Variants in WBP4 observed in about 807,000 individuals in gnomAD.
WBP4 encodes the protein WW domain binding protein 4.
A neutral mutation model predicts 55.4 loss-of-function variants in WBP4; 37 were observed. That is an observed-to-expected ratio of 0.67 (90% CI 0.51 to 0.88). The LOEUF is 0.88. WBP4 is among the 40% of genes least tolerant of loss of function. The pLI is 0.00. For missense variants in WBP4, 398 were observed against 420.8 expected (o/e 0.95, Z 0.47); for synonymous variants, 142 against 140.2 (o/e 1.01, Z -0.09).
intron 9 of WBP4, among the ~76,000 whole-genome samples, chr13:41,081,336 CA>C (rs1235993323): frequency 4.3e-4 from 60 of 140,792 alleles, no homozygotes; most frequent in African/African-American, 5.5e-4. Context: ...TTCTCTCTAC[CA>C]AAAAAAAAAA....
chr13:41,082,424 T>C (rs951780959), intron 9 of WBP4, among the ~76,000 whole-genome samples: 4 of 152,092 alleles, frequency 2.6e-5, no homozygotes, highest in African/African-American at 9.7e-5. Context: ...CCCTTATCCC[T>C]TTACTTGTAC....
chr13:41,065,358 CT>C, intron 4 of WBP4, 71 bp downstream of exon 4: 1 of 1,481,190 alleles, frequency 6.8e-7, no homozygotes, highest in Non-Finnish European at 8.9e-7. Flanking sequence ...GCTAAGTAAG[CT>C]TTGATTGCTT....
chr13:41,070,728 C>G (rs1878204908), intron 5 of WBP4, among the ~76,000 whole-genome samples: 1 of 151,582 alleles, frequency 6.6e-6, no homozygotes, highest in African/African-American at 2.4e-5. Flanking sequence ...GAGAATAGAG[C>G]AAGAAGTAAA....
intron 7 of WBP4, 93 bp downstream of exon 7, chr13:41,072,950 A>G: frequency 2.1e-6 from 2 of 953,264 alleles, no homozygotes; most frequent in Non-Finnish European, 3.2e-6. Context: ...TGGAAATTTT[A>G]GTATACAATA....
intron 4 of WBP4, among the ~76,000 whole-genome samples, chr13:41,068,016 T>C (rs773165532): frequency 4.2e-4 from 64 of 152,252 alleles, no homozygotes; most frequent in East Asian, 1.9e-4. Context: ...CTAAAAACTT[T>C]CTTTTTAAGC....
chr13:41,062,409 C>T (rs545162274), intron 1 of WBP4, among the ~76,000 whole-genome samples: 1 of 152,068 alleles, frequency 6.6e-6, no homozygotes, highest in East Asian at 1.9e-4. Context: ...TTTTTGAAAG[C>T]CATTTTATTG....
intron 2 of WBP4, among the ~76,000 whole-genome samples, chr13:41,063,050 AAAAT>A (rs1467655849): frequency 6.6e-6 from 1 of 152,238 alleles, no homozygotes; most frequent in African/African-American, 2.4e-5. Context: ...AAGCCCTTAA[AAAAT>A]AAAAGCAACA....
In WBP4 at chr13:41,071,710, T is replaced by C. The variant is rs568583769; in HGVS notation, c.486+137T>C. On this transcript the variant is annotated intron_variant, in intron 6 of 9. Transcript: ENST00000379487. Reference sequence around the variant, plus strand: ...CACCCCCAAACTGTGTCCTTTTTTTTCCCATAATGCTTTTGTTAGAAGGCT... The same window carrying C: ...CACCCCCAAACTGTGTCCTTTTTTTCCCCATAATGCTTTTGTTAGAAGGCT... 84 of 762,550 alleles carry C rather than the reference T, an allele frequency of 1.1e-4. No homozygotes were observed. The East Asian group carries it at 2.1e-3, about 19-fold the overall frequency. The allele number at this position is 762,550 out of a possible 1,614,324, so 47.2% of individuals were successfully genotyped here. A position where few individuals can be genotyped will look rare whatever the true frequency, so the allele number is the denominator to read the frequency against.
Position 41,080,572 on chromosome 13 carries a change from T to TA in WBP4, c.757-70dup, listed in dbSNP as rs1165257796. ...GTTTATAAATCTATAACAATACCTTTAAAAGCCTTAAATTTTATTTTTGTC... is the reference window on the plus strand; with the variant it reads ...GTTTATAAATCTATAACAATACCTTTAAAAAGCCTTAAATTTTATTTTTGTC... On this transcript the variant is annotated intron_variant, in intron 8 of 9. Transcript: ENST00000379487. The TA allele has an allele frequency of 4.3e-6, 5 of 1,171,152 alleles. No individual in the cohort carries two copies. The Admixed American group carries it at 8.5e-5, about 20-fold the overall frequency. 72.5% of individuals were successfully genotyped at this position (1,171,152 alleles called of 1,614,324 possible). A position where few individuals can be genotyped will look rare whatever the true frequency, so the allele number is the denominator to read the frequency against.
intron 4 of WBP4, among the ~76,000 whole-genome samples, chr13:41,066,755 G>A (rs1430540765): frequency 2.6e-5 from 4 of 151,018 alleles, no homozygotes; most frequent in Non-Finnish European, 4.4e-5. Flanking sequence ...TTTCACTGTC[G>A]TAAAGAGTGC....
chr13:41,062,753 T>C, intron 2 of WBP4, 37 bp downstream of exon 2: 1 of 1,571,030 alleles, frequency 6.4e-7, no homozygotes, highest in East Asian at 2.3e-5. Flanking sequence ...CTAATAATAA[T>C]TGTGTTGAAT....
intron 7 of WBP4, among the ~76,000 whole-genome samples, chr13:41,074,863 C>T (rs539646968): frequency 7.8e-4 from 118 of 152,160 alleles, no homozygotes; most frequent in Non-Finnish European, 1.5e-3. Context: ...GGCGTGGTGG[C>T]GCTTGCCTGT....
In WBP4 at chr13:41,078,382, A is replaced by G. The variant is rs568296830; in HGVS notation, c.756+2145A>G. 1.7e-3 allele frequency among the ~76,000 whole-genome samples: 266 copies of G among 152,332 alleles called. 2 individuals are homozygous for G. The highest frequency in any genetic ancestry group is 2.6e-3 in the Non-Finnish European group (175 of 68,032). On this transcript the variant is annotated intron_variant, in intron 8 of 9. Transcript: ENST00000379487. ...TCTTCAACAAAATCAACAAAAATAT[A>G]CACTGGGGAAGGGATACCCCATTCA...
In WBP4 at chr13:41,065,252, A is replaced by G; in HGVS notation, c.227A>G (p.Tyr76Cys). 1.2e-6 allele frequency: 2 copies of G among 1,608,432 alleles called. No homozygotes were observed. Among genetic ancestry groups the G allele is most frequent in the Non-Finnish European group, 8.5e-7 (1 of 1,178,196 alleles). Residue 76 changes from tyrosine to cysteine, a missense_variant, in exon 4 of 10, where the codon TAC (tyrosine) becomes TGC (cysteine). By Grantham distance (194) the Tyr-to-Cys change is radical. Transcript: ENST00000379487. ...AAMEAAALKA[Y>C]QEDLKRLGLE... is the part of the protein sequence containing the mutation. The stretch of plus-strand genomic sequence containing the variant: ...ATGGAGGCAGCTGCCCTGAAAGCAT[A>G]CCAAGAGGATTTGAAAAGACTTGGC...
intron 2 of WBP4, among the ~76,000 whole-genome samples, chr13:41,063,674 C>T (rs1877814604): frequency 6.6e-6 from 1 of 151,916 alleles, no homozygotes; most frequent in Non-Finnish European, 1.5e-5. Context: ...TGTAGTCTGT[C>T]TTTATCTTCT....
intron 9 of WBP4, 131 bp from the exon 10 acceptor site, chr13:41,082,573 A>G (rs1878829733): frequency 1.4e-6 from 1 of 701,598 alleles, no homozygotes; most frequent in Non-Finnish European, 2.4e-6. Flanking sequence ...TAAAGTCAGT[A>G]TTTTAAAGTA....
chr13:41,068,547 T>C lies in WBP4; in HGVS notation c.263-14T>C, dbSNP rs377135201. ...AGTTACTATAGCTGCTTTACCCTTC[T>C]CTCATCTCTTTAGAAATTTTGGAGC... On this transcript the variant is annotated splice_polypyrimidine_tract_variant and intron_variant, in intron 4 of 9. Transcript: ENST00000379487. 5.7e-6 allele frequency: 9 copies of C among 1,579,866 alleles called. No homozygotes were observed. The highest frequency in any genetic ancestry group is 6.9e-6 in the Non-Finnish European group (8 of 1,166,758).
intron 7 of WBP4, among the ~76,000 whole-genome samples, chr13:41,075,344 T>C (rs1441145224): frequency 1.3e-5 from 2 of 152,198 alleles, no homozygotes; most frequent in Non-Finnish European, 2.9e-5. Context: ...CACTTAGTGC[T>C]TCACAATGTA....
intron 2 of WBP4, among the ~76,000 whole-genome samples, chr13:41,064,801 C>G (rs1282152272): frequency 1.3e-5 from 2 of 151,962 alleles, no homozygotes; most frequent in Non-Finnish European, 2.9e-5. Context: ...TTTTAAGAAC[C>G]AAAGGAAACC....
Sources: gnomAD v4.1 joint callset for allele counts (sites outside exome capture counted in the v4.1 genomes callset) on GRCh38, gnomAD v4.1.1 for gene constraint, MANE v1.5 for transcripts, NCBI Gene and HGNC (gene_info 2026-07-23, HGNC 2026-07-21) for gene names.